The following NOL4 variants were observed in gnomAD, a reference collection of about 807,000 sequenced individuals.
NOL4 encodes cancer/testis antigen 125.
NOL4 carries 17 observed loss-of-function variants against 75.9 expected under a neutral mutation model. The observed-to-expected ratio is 0.22, with a 90% CI of 0.15 to 0.34. NOL4 has a LOEUF of 0.34. Ranked by LOEUF, NOL4 falls within the 10% of genes least tolerant of loss-of-function variation. NOL4 has a pLI of 1.00. For missense variants in NOL4, 614 were observed against 793.5 expected, an observed-to-expected ratio of 0.77 and a Z score of 2.72; for synonymous variants, 292 against 289.9, an observed-to-expected ratio of 1.01 and a Z score of -0.07.
chr18:33,994,176 T>C (rs1291642271), intron 6 of NOL4, among the ~76,000 whole-genome samples: 2 of 151,752 alleles, frequency 1.3e-5, no homozygotes, highest in Non-Finnish European at 3.0e-5. Context: ...GAAAGATGAC[T>C]AGACAATTAA....
chr18:34,021,625 G>T (rs2075042960), intron 5 of NOL4, among the ~76,000 whole-genome samples: 1 of 151,934 alleles, frequency 6.6e-6, no homozygotes, highest in South Asian at 2.1e-4. Context: ...GGTATGAAGG[G>T]GCAAAATGGA....
At chr18:34,075,611 T>C (rs2077710458) in intron 5 of NOL4, among the ~76,000 whole-genome samples, 1 of 152,144 alleles carries the variant, frequency 6.6e-6, no homozygotes, top group Non-Finnish European at 1.5e-5. Flanking sequence ...TTTATCACAG[T>C]TGAACAAAAG....
intron 2 of NOL4, among the ~76,000 whole-genome samples, chr18:34,126,766 C>CACA (rs1044670499): frequency 2.6e-5 from 4 of 151,992 alleles, no homozygotes; most frequent in Admixed American, 2.6e-4. Context: ...TTTATAATGC[C>CACA]ACATCATTAA....
chr18:34,066,978 C>T (rs964680374), intron 5 of NOL4, among the ~76,000 whole-genome samples: 1 of 151,912 alleles, frequency 6.6e-6, no homozygotes, highest in African/African-American at 2.4e-5. Context: ...ATACGTCAGG[C>T]ATTATTCTAT....
chr18:33,859,640 C>CCT (rs1311061322), intron 10 of NOL4, among the ~76,000 whole-genome samples: 1 of 152,098 alleles, frequency 6.6e-6, no homozygotes, highest in African/African-American at 2.4e-5. Context: ...TACCAGAGGC[C>CCT]AGGCATAGTG....
rs2077327199 is a variant in NOL4 at position 34,067,441 on chromosome 18, T to A, written c.772+26024A>T. 3.9e-5 allele frequency among the ~76,000 whole-genome samples: 6 copies of A among 152,110 alleles called. No homozygotes were observed. In the South Asian group the frequency reaches 1.2e-3, roughly 31 times the overall value. On this transcript the variant is annotated intron_variant, in intron 5 of 10. Coordinates refer to ENST00000261592, the MANE Select transcript of NOL4 (RefSeq NM_003787.5). ...TCTGACTCCAGTCTTAAAAGAATCA[T>A]CGGGCTTAGAATCTACTGTAGGATA... is the stretch of plus-strand genomic sequence containing the variant.
chr18:34,110,128 CAAAAAAAAAAAAAAAAA>C lies in NOL4; in HGVS notation c.415-4985_415-4969del, dbSNP rs57576599. Among the ~76,000 whole-genome samples the C allele has an allele frequency of 5.6e-4, 27 of 47,858 alleles. No homozygotes were observed. The East Asian group carries it at 8.1e-3, about 14-fold the overall frequency. The allele number at this position is 47,858 out of a possible 152,430, so 31.4% of individuals were successfully genotyped here. ...AACTCCTTCCATCCCCGCCCTCCCA[CAAAAAAAAAAAAAAAAA>C]AAAAAAAAAAAAAAAAAATACTGGG... On this transcript the variant is annotated intron_variant, in intron 2 of 10. Coordinates refer to ENST00000261592, the MANE Select transcript of NOL4 (RefSeq NM_003787.5).
intron 9 of NOL4, among the ~76,000 whole-genome samples, chr18:33,929,505 A>T (rs1408483235): frequency 6.6e-6 from 1 of 152,182 alleles, no homozygotes; most frequent in Non-Finnish European, 1.5e-5. Context: ...TATCTTTAAC[A>T]GAATGTGAGT....
At chr18:34,210,412 C>T (rs2036435078) in intron 1 of NOL4, among the ~76,000 whole-genome samples, 1 of 152,124 alleles carries the variant, frequency 6.6e-6, no homozygotes, top group African/African-American at 2.4e-5. Context: ...TTAAATTTTG[C>T]ACTCATTTTC....
At chr18:34,085,642 G>C (rs1166500799) in intron 5 of NOL4, among the ~76,000 whole-genome samples, 1 of 152,120 alleles carries the variant, frequency 6.6e-6, no homozygotes, top group African/African-American at 2.4e-5. Context: ...TGTAATATGA[G>C]TAAAGTATTG....
At chr18:33,877,036 T>C (rs1331888907) in intron 10 of NOL4, among the ~76,000 whole-genome samples, 1 of 152,104 alleles carries the variant, frequency 6.6e-6, no homozygotes, top group Non-Finnish European at 1.5e-5. Flanking sequence ...TTGTTATTGC[T>C]GTTTTTTATT....
chr18:34,210,570 T>G (rs535738515), intron 1 of NOL4, among the ~76,000 whole-genome samples: 35 of 152,346 alleles, frequency 2.3e-4, no homozygotes, highest in African/African-American at 8.2e-4. Context: ...TGAGTGAGCC[T>G]GTCCATGCCC....
intron 1 of NOL4, among the ~76,000 whole-genome samples, chr18:34,159,305 C>A (rs2031043752): frequency 6.6e-6 from 1 of 152,200 alleles, no homozygotes; most frequent in Non-Finnish European, 1.5e-5. Context: ...GTTGCCGCGG[C>A]AACGGCCGGA....
chr18:34,129,260 T>C (rs2145898191), intron 2 of NOL4, among the ~76,000 whole-genome samples: 1 of 152,040 alleles, frequency 6.6e-6, no homozygotes, highest in African/African-American at 2.4e-5. Context: ...TTACAAAATT[T>C]ATGACAAAAA....
chr18:34,063,557 G>A (rs117181130), intron 5 of NOL4, among the ~76,000 whole-genome samples: 5,741 of 152,096 alleles, frequency 0.038, 131 homozygotes, highest in East Asian at 0.062. Context: ...AATGAAGTAC[G>A]TGAGGTTTTC....
At chr18:34,158,865 T>C (rs965629350) in intron 1 of NOL4, among the ~76,000 whole-genome samples, 7 of 152,180 alleles carry the variant, frequency 4.6e-5, no homozygotes, top group Non-Finnish European at 8.8e-5. Flanking sequence ...AGGAAGCGTT[T>C]TCCATCCTCT....
At chr18:33,904,936 A>C (rs1249022097) in intron 9 of NOL4, among the ~76,000 whole-genome samples, 2 of 152,182 alleles carry the variant, frequency 1.3e-5, no homozygotes, top group Non-Finnish European at 2.9e-5. Context: ...TGGAGACGAT[A>C]ACTGACAGAA....
intron 9 of NOL4, among the ~76,000 whole-genome samples, chr18:33,889,041 A>G (rs1320649502): frequency 6.6e-6 from 1 of 152,124 alleles, no homozygotes; most frequent in Non-Finnish European, 1.5e-5. Flanking sequence ...AAGGAGATAG[A>G]GACACAAAGA....
chr18:34,070,454 T>C (rs934414941), intron 5 of NOL4, among the ~76,000 whole-genome samples: 1 of 152,228 alleles, frequency 6.6e-6, no homozygotes, highest in Admixed American at 6.5e-5. Context: ...CTCTTCTCAT[T>C]TGTTGATTTT....
Sources: gnomAD v4.1 joint callset for allele counts (sites outside exome capture counted in the v4.1 genomes callset) on GRCh38, gnomAD v4.1.1 for gene constraint, MANE v1.5 for transcripts, NCBI Gene and HGNC (gene_info 2026-07-23, HGNC 2026-07-21) for gene names.